RPS6KA2: variants seen among roughly 807,000 people sequenced by gnomAD.
RPS6KA2 encodes ribosomal protein S6 kinase alpha-2.
RPS6KA2 carries 42 observed loss-of-function variants against 91.8 expected under a neutral mutation model. The observed-to-expected ratio is 0.46, with a 90% confidence interval of 0.36 to 0.59. The LOEUF (loss-of-function observed/expected upper bound fraction) is 0.59, where lower values mean the gene tolerates loss of function less well. Ranked by LOEUF, RPS6KA2 falls within the 20% of genes least tolerant of loss-of-function variation. RPS6KA2 has a pLI of 0.00. For synonymous variants in RPS6KA2, 414 were observed against 393.6 expected (o/e 1.05, Z -0.61); for missense variants, 798 against 978.5 (o/e 0.82, Z 2.46).
chr6:166,527,290 C>T (rs552608185), intron 3 of RPS6KA2, among the ~76,000 whole-genome samples: 12 of 152,236 alleles, frequency 7.9e-5, no homozygotes, highest in East Asian at 1.9e-4. Context: ...AAGAAGGAAC[C>T]GTTACGCTTG....
At position 166,554,381 on chromosome 6, in the gene RPS6KA2, G is replaced by A. The variant is rs1490481735; in HGVS notation, c.100-15597C>T. ...TTTATGAAGCTGAATGTGATATAAAGCTTAACCTGCCTCCTTTTGTTGTAA... is the reference window on the plus strand; with the variant it reads ...TTTATGAAGCTGAATGTGATATAAAACTTAACCTGCCTCCTTTTGTTGTAA... On this transcript the variant is annotated intron_variant, in intron 1 of 20. Transcript: ENST00000265678. The surrounding 1 kb of genome is among the most constrained non-coding windows in gnomAD (Gnocchi z 4.3). Among the ~76,000 whole-genome samples the A allele has an allele frequency of 6.6e-6, 1 of 152,250 alleles. No individual in the cohort carries two copies. The highest frequency in any genetic ancestry group is 2.4e-5 in the African/African-American group (1 of 41,462).
intron 2 of RPS6KA2, among the ~76,000 whole-genome samples, chr6:166,799,218 T>C (rs1283843832): frequency 6.6e-6 from 1 of 152,254 alleles, no homozygotes; most frequent in Non-Finnish European, 1.5e-5. Context: ...CAAGGGTCTG[T>C]GAACCCGGGC....
chr6:166,461,565 G>A (rs1463936580), intron 11 of RPS6KA2, among the ~76,000 whole-genome samples: 1 of 141,096 alleles, frequency 7.1e-6, no homozygotes, highest in Non-Finnish European at 1.6e-5. Context: ...AAGAGACGGA[G>A]GGGAGGAGGG....
chr6:166,703,233 A>C (rs1018846718), intron 2 of RPS6KA2, among the ~76,000 whole-genome samples: 7 of 152,226 alleles, frequency 4.6e-5, no homozygotes, highest in Admixed American at 1.3e-4. Flanking sequence ...CAATGGCTAC[A>C]TGTATTGATT....
intron 2 of RPS6KA2, among the ~76,000 whole-genome samples, chr6:166,840,098 G>T (rs140393238): frequency 1.3e-5 from 2 of 152,090 alleles, no homozygotes; most frequent in African/African-American, 4.8e-5. Context: ...ACTGGAAACT[G>T]TTCTGCAAAG....
intron 1 of RPS6KA2, chr6:166,586,416 T>C (rs1348469839): frequency 6.2e-7 from 1 of 1,600,080 alleles, no homozygotes. Flanking sequence ...CTTGTCATTT[T>C]CTGTGAATCT....
At chr6:166,765,002 C>G (rs1224935273) in intron 2 of RPS6KA2, among the ~76,000 whole-genome samples, 1 of 152,206 alleles carries the variant, frequency 6.6e-6, no homozygotes, top group East Asian at 1.9e-4. Flanking sequence ...CAACACCAAA[C>G]GGCCAATGGG....
chr6:166,854,087 C>G (rs1325694682), intron 2 of RPS6KA2, among the ~76,000 whole-genome samples: 1 of 152,202 alleles, frequency 6.6e-6, no homozygotes, highest in African/African-American at 2.4e-5. Flanking sequence ...GCCTCTGATG[C>G]GTCAGATGAA....
chr6:166,533,552 C>T lies in RPS6KA2; in HGVS notation c.217-2239G>A, dbSNP rs567816520. On this transcript the variant is annotated intron_variant, in intron 2 of 20. Coordinates refer to ENST00000265678, the MANE Select transcript of RPS6KA2 (RefSeq NM_021135.6). The surrounding 1 kb of genome is among the most constrained non-coding windows in gnomAD (Gnocchi z 4.0). ...AAGGGCAGGGGTGTGCCTTCCTGGC[C>T]TAGGCAATGAAGAGCAGGTGCAAAA... 6.6e-6 allele frequency among the ~76,000 whole-genome samples: 1 copy of T among 152,314 alleles called. No homozygotes were observed. The highest frequency in any genetic ancestry group is 1.9e-4 in the East Asian group (1 of 5,170).
At chr6:166,703,943 T>C (rs531763909) in intron 2 of RPS6KA2, among the ~76,000 whole-genome samples, 18 of 152,340 alleles carry the variant, frequency 1.2e-4, no homozygotes, top group Non-Finnish European at 2.1e-4. Context: ...TCAGGTAACA[T>C]ATTTTATAAG....
intron 1 of RPS6KA2, among the ~76,000 whole-genome samples, chr6:166,564,139 G>A (rs949678853): frequency 4.6e-5 from 7 of 152,134 alleles, no homozygotes; most frequent in African/African-American, 7.2e-5. Flanking sequence ...AACATTTCCC[G>A]GGAAAATGCA....
chr6:166,672,428 C>T (rs1435819631), intron 2 of RPS6KA2, among the ~76,000 whole-genome samples: 2 of 152,338 alleles, frequency 1.3e-5, no homozygotes, highest in South Asian at 2.1e-4. Context: ...AACTGATTTC[C>T]TGACCTGTCC....
At chr6:166,427,749 C>T (rs1004997289) in intron 16 of RPS6KA2, among the ~76,000 whole-genome samples, 73 of 152,076 alleles carry the variant, frequency 4.8e-4, no homozygotes, top group East Asian at 1.7e-3. Context: ...TTACAAGGGA[C>T]GTGAAGGACC....
At position 166,681,562 on chromosome 6, in the gene RPS6KA2, C is replaced by T. The variant is rs142474706; in HGVS notation, c.124-142778G>A. ...GGCCCCAGGAAGGCTGAGCTCTCTC[C>T]CTGCAAGTTGCACCAGGATTCTGTG... On this transcript the variant is annotated intron_variant, in intron 2 of 21. Transcript: ENST00000503859. Among the ~76,000 whole-genome samples, 848 of 152,190 alleles carry T rather than the reference C, an allele frequency of 5.6e-3. 9 individuals carry two copies. The highest frequency in any genetic ancestry group is 0.019 in the African/African-American group (805 of 41,496).
At chr6:166,610,864 C>T (rs900030301) in intron 1 of RPS6KA2, among the ~76,000 whole-genome samples, 1 of 152,060 alleles carries the variant, frequency 6.6e-6, no homozygotes, top group Admixed American at 6.5e-5. Context: ...AATAATATAC[C>T]TTTCCTAAAA....
rs2072830 is a variant in RPS6KA2, at chr6:166,490,499, C to T, written c.818+172G>A. On this transcript the variant is annotated intron_variant, in intron 9 of 20. Transcript: ENST00000265678. The surrounding 1 kb of genome is among the most constrained non-coding windows in gnomAD (Gnocchi z 4.2). ...CCCTATTACCACTGCTACTGGCGGA[C>T]GAGCGCTACCATTTTGTGTAAAACC... Among the ~76,000 whole-genome samples, 5 of 152,012 alleles carry T rather than the reference C, an allele frequency of 3.3e-5. No individual in the cohort carries two copies. The highest frequency in any genetic ancestry group is 7.2e-5 in the African/African-American group (3 of 41,402).
chr6:166,857,841 A>G (rs1199451793), intron 2 of RPS6KA2, among the ~76,000 whole-genome samples: 1 of 152,184 alleles, frequency 6.6e-6, no homozygotes, highest in Non-Finnish European at 1.5e-5. Context: ...CTTCCAGTAC[A>G]GGGAGCCCCA....
At chr6:166,415,499 G>A (rs1778467218) in intron 19 of RPS6KA2, among the ~76,000 whole-genome samples, 1 of 152,150 alleles carries the variant, frequency 6.6e-6, no homozygotes, top group Non-Finnish European at 1.5e-5. Context: ...GTGGTGGTAG[G>A]GACTGGTGGT....
intron 2 of RPS6KA2, among the ~76,000 whole-genome samples, chr6:166,816,706 T>G (rs971620278): frequency 6.6e-6 from 1 of 152,228 alleles, no homozygotes; most frequent in Admixed American, 6.5e-5. Flanking sequence ...CTTATATGTG[T>G]TACTCCACAG....
Sources: gnomAD v4.1 joint callset for allele counts (sites outside exome capture counted in the v4.1 genomes callset) on GRCh38, gnomAD v4.1.1 for gene constraint, Gnocchi (gnomAD v3.1) non-coding constraint, MANE v1.5 for transcripts, NCBI Gene and HGNC (gene_info 2026-07-23, HGNC 2026-07-21) for gene names.